MYOZ2: variants seen among roughly 807,000 people sequenced by gnomAD.
The protein encoded by MYOZ2 is myozenin-2.
A neutral mutation model predicts 25.4 loss-of-function variants in MYOZ2; 19 were observed. The observed-to-expected ratio is 0.75, with a 90% CI of 0.52 to 1.10. The LOEUF (loss-of-function observed/expected upper bound fraction) is 1.10, where lower values mean the gene tolerates loss of function less well. MYOZ2 is among the 50% of genes least tolerant of loss of function. MYOZ2 has a pLI of 0.00. For synonymous variants in MYOZ2, 92 were observed against 106.9 expected (o/e 0.86, Z 0.86); for missense variants, 270 against 317.9 (o/e 0.85, Z 1.15).
At chr4:119,168,276 A>G (rs893875757) in intron 5 of MYOZ2, among the ~76,000 whole-genome samples, 6 of 152,154 alleles carry the variant, frequency 3.9e-5, no homozygotes, top group Non-Finnish European at 7.3e-5. Context: ...CCAGCCTAAT[A>G]CTTTTTATGC....
chr4:119,171,073 G>T (rs1428716581), intron 5 of MYOZ2, among the ~76,000 whole-genome samples: 1 of 152,020 alleles, frequency 6.6e-6, no homozygotes, highest in African/African-American at 2.4e-5. Flanking sequence ...TTATTTAAAG[G>T]TAAAAGTTAA....
At chr4:119,156,427 G>C (rs533678251) in intron 3 of MYOZ2, among the ~76,000 whole-genome samples, 1 of 151,956 alleles carries the variant, frequency 6.6e-6, no homozygotes, top group South Asian at 2.1e-4. Context: ...TCAGTGCAAG[G>C]CTAAAACATT....
intron 2 of MYOZ2, among the ~76,000 whole-genome samples, chr4:119,138,058 A>T (rs1389402006): frequency 1.3e-5 from 2 of 152,186 alleles, no homozygotes; most frequent in African/African-American, 4.8e-5. Context: ...CTATAAGGGT[A>T]AGAAGTTTTT....
At chr4:119,154,198 C>T (rs12501760) in intron 3 of MYOZ2, among the ~76,000 whole-genome samples, 89,408 of 151,662 alleles carry the variant, frequency 0.59, 28,626 homozygotes, top group Non-Finnish European at 0.72. Context: ...AGCAAAGAAG[C>T]CTTCTTTTTA....
chr4:119,136,451 T>C (rs1741022557), intron 1 of MYOZ2, 61 bp from the exon 2 acceptor site: 2 of 1,402,974 alleles, frequency 1.4e-6, no homozygotes, highest in Non-Finnish European at 2.0e-6. Context: ...AAACAGTGAT[T>C]ATAAGACACT....
intron 5 of MYOZ2, among the ~76,000 whole-genome samples, chr4:119,180,474 CCTTT>C (rs1198816182): frequency 6.6e-6 from 1 of 152,150 alleles, no homozygotes; most frequent in African/African-American, 2.4e-5. Flanking sequence ...CTGCTATTCG[CCTTT>C]CTGTCATATA....
intron 2 of MYOZ2, among the ~76,000 whole-genome samples, chr4:119,150,260 A>G (rs13135433): frequency 0.59 from 89,659 of 151,954 alleles, 28,771 homozygotes; most frequent in Non-Finnish European, 0.72. Flanking sequence ...AGTGTTATGG[A>G]AATATAGAGA....
intron 5 of MYOZ2, among the ~76,000 whole-genome samples, chr4:119,167,681 G>C (rs1741851624): frequency 6.6e-6 from 1 of 152,194 alleles, no homozygotes; most frequent in Admixed American, 6.5e-5. Flanking sequence ...TATCTCACTA[G>C]AAACTAATGT....
intron 5 of MYOZ2, among the ~76,000 whole-genome samples, chr4:119,178,859 G>A (rs1433998098): frequency 6.6e-6 from 1 of 152,096 alleles, no homozygotes; most frequent in African/African-American, 2.4e-5. Context: ...CACCTGCCTC[G>A]GCCTCCCAAA....
At chr4:119,159,142 A>T (rs1741650191) in intron 4 of MYOZ2, among the ~76,000 whole-genome samples, 1 of 152,152 alleles carries the variant, frequency 6.6e-6, no homozygotes, top group Non-Finnish European at 1.5e-5. Context: ...ATTACAAGAG[A>T]AAAAAGAATT....
At chr4:119,176,820 C>T (rs577079498) in intron 5 of MYOZ2, among the ~76,000 whole-genome samples, 11 of 152,300 alleles carry the variant, frequency 7.2e-5, no homozygotes, top group Admixed American at 4.6e-4. Flanking sequence ...GTATCAGGCA[C>T]GGTTTTAAGT....
intron 3 of MYOZ2, among the ~76,000 whole-genome samples, chr4:119,156,895 G>A (rs1431631906): frequency 3.3e-5 from 5 of 152,116 alleles, no homozygotes; most frequent in Non-Finnish European, 7.3e-5. Flanking sequence ...GGCTGTGTGG[G>A]TGAAGCATAA....
intron 3 of MYOZ2, 61 bp from the exon 4 acceptor site, chr4:119,157,961 C>T: frequency 6.3e-7 from 1 of 1,581,048 alleles, no homozygotes; most frequent in Non-Finnish European, 8.7e-7. Flanking sequence ...GCATATATAG[C>T]TCCTATTATT....
chr4:119,165,848 T>G (rs1319135630), intron 5 of MYOZ2, among the ~76,000 whole-genome samples: 1 of 152,172 alleles, frequency 6.6e-6, no homozygotes, highest in Non-Finnish European at 1.5e-5. Flanking sequence ...GCCCTGTACC[T>G]GCTGAGCAGC....
chr4:119,137,614 T>C (rs772760798), intron 2 of MYOZ2, among the ~76,000 whole-genome samples: 52 of 152,190 alleles, frequency 3.4e-4, no homozygotes, highest in Non-Finnish European at 4.4e-5. Flanking sequence ...CCCCACGCAA[T>C]GTAATCATAA....
chr4:119,168,058 C>T (rs1310683258), intron 5 of MYOZ2, among the ~76,000 whole-genome samples: 3 of 151,734 alleles, frequency 2.0e-5, no homozygotes, highest in Non-Finnish European at 2.9e-5. Flanking sequence ...CTGCAAGCTC[C>T]GCCTCCTGGG....
At chr4:119,154,299 T>C (rs1465580637) in intron 3 of MYOZ2, among the ~76,000 whole-genome samples, 2 of 152,150 alleles carry the variant, frequency 1.3e-5, no homozygotes, top group Non-Finnish European at 2.9e-5. Flanking sequence ...TCTAGTTTTG[T>C]TTTCTTTAGG....
In MYOZ2 at chr4:119,186,434, G is replaced by C. The variant is rs531815278; in HGVS notation, c.*234G>C. On this transcript the variant is annotated 3_prime_UTR_variant, in exon 6 of 6. Transcript: ENST00000307128. The stretch of plus-strand genomic sequence containing the variant: ...TTCATTCATAATTTTGTTTTCACCT[G>C]GTTTAAAGAATCCAGATATTTTACT... 2.0e-6 allele frequency: 1 copy of C among 495,370 alleles called. No homozygotes were observed. Among genetic ancestry groups the C allele is most frequent in the East Asian group, 3.6e-5 (1 of 27,452 alleles). The allele number at this position is 495,370 out of a possible 1,614,324, so 30.7% of individuals were successfully genotyped here.
chr4:119,181,951 C>T (rs903938050), intron 5 of MYOZ2, among the ~76,000 whole-genome samples: 23 of 152,012 alleles, frequency 1.5e-4, no homozygotes, highest in Middle Eastern at 3.4e-3. Context: ...TTATAAAACA[C>T]GACTTTATTG....
Sources: gnomAD v4.1 joint callset for allele counts (sites outside exome capture counted in the v4.1 genomes callset) on GRCh38, gnomAD v4.1.1 for gene constraint, MANE v1.5 for transcripts, NCBI Gene and HGNC (gene_info 2026-07-23, HGNC 2026-07-21) for gene names.